The following ATRNL1 variants were observed in gnomAD, a reference collection of about 807,000 sequenced individuals.
The protein encoded by ATRNL1 is attractin like 1.
A neutral mutation model predicts 182.7 loss-of-function variants in ATRNL1; 95 were observed. The observed-to-expected ratio is 0.52, with a 90% CI of 0.44 to 0.62. ATRNL1 has a LOEUF of 0.62. Ranked by LOEUF, ATRNL1 falls within the 20% of genes least tolerant of loss-of-function variation. The probability of loss-of-function intolerance (pLI) is 0.00; values close to 1 mark genes in which losing one functional copy is unlikely to be tolerated. For synonymous variants in ATRNL1, 576 were observed against 568.3 expected, an observed-to-expected ratio of 1.01 and a Z score of -0.19; for missense variants, 1,471 against 1,679.5, an observed-to-expected ratio of 0.88 and a Z score of 2.17.
chr10:115,660,340 A>C (rs1860604774), intron 26 of ATRNL1, among the ~76,000 whole-genome samples: 1 of 152,150 alleles, frequency 6.6e-6, no homozygotes, highest in Non-Finnish European at 1.5e-5. Flanking sequence ...CGAAATAGAG[A>C]AGGTGAACTG....
intron 28 of ATRNL1, among the ~76,000 whole-genome samples, chr10:115,940,345 T>G (rs1432335968): frequency 2.0e-5 from 3 of 152,216 alleles, no homozygotes; most frequent in Non-Finnish European, 2.9e-5. Context: ...GATTACAGTT[T>G]AACTTCATGG....
chr10:115,104,678 C>A (rs1230641158), intron 1 of ATRNL1, among the ~76,000 whole-genome samples: 1 of 152,050 alleles, frequency 6.6e-6, no homozygotes, highest in African/African-American at 2.4e-5. Flanking sequence ...AGTTTGAGGT[C>A]TTAGATTTCT....
At chr10:115,931,850 T>A (rs1439692722) in intron 28 of ATRNL1, among the ~76,000 whole-genome samples, 4 of 152,128 alleles carry the variant, frequency 2.6e-5, no homozygotes, top group African/African-American at 9.7e-5. Flanking sequence ...CGTCAAATGA[T>A]CTAGGAAACA....
chr10:115,894,529 G>A lies in ATRNL1; in HGVS notation c.4018+46538G>A, dbSNP rs147575248. Among the ~76,000 whole-genome samples the A allele has an allele frequency of 4.5e-3, 689 of 152,244 alleles. 9 individuals carry two copies. The highest frequency in any genetic ancestry group is 0.016 in the African/African-American group (661 of 41,558). On this transcript the variant is annotated intron_variant, in intron 28 of 28. Transcript: ENST00000355044. ...ATTGCTGGAGTTATAAATGTGCTGGGAACCACCTAAAAATCCCAAGGAATA... is the reference window on the plus strand; with the variant it reads ...ATTGCTGGAGTTATAAATGTGCTGGAAACCACCTAAAAATCCCAAGGAATA...
At chr10:115,741,634 G>C (rs1214716957) in intron 27 of ATRNL1, among the ~76,000 whole-genome samples, 3 of 152,150 alleles carry the variant, frequency 2.0e-5, no homozygotes, top group African/African-American at 7.2e-5. Context: ...AATAATTGAG[G>C]TAGAGAAACA....
At chr10:115,148,597 G>T (rs1264640716) in intron 5 of ATRNL1, among the ~76,000 whole-genome samples, 1 of 152,132 alleles carries the variant, frequency 6.6e-6, no homozygotes, top group African/African-American at 2.4e-5. Flanking sequence ...AAGGTTTGTT[G>T]TCTCGCACTA....
chr10:115,892,366 A>G (rs1233577069), intron 28 of ATRNL1, among the ~76,000 whole-genome samples: 1 of 152,184 alleles, frequency 6.6e-6, no homozygotes, highest in East Asian at 1.9e-4. Context: ...ATATAAAAAC[A>G]ATCTTCAGTT....
chr10:115,570,545 T>G (rs1455824021), intron 26 of ATRNL1, among the ~76,000 whole-genome samples: 1 of 152,198 alleles, frequency 6.6e-6, no homozygotes, highest in Non-Finnish European at 1.5e-5. Flanking sequence ...TACCCAGTTA[T>G]GGCTTCATTT....
chr10:115,465,228 T>C (rs1847997249), intron 22 of ATRNL1, among the ~76,000 whole-genome samples: 2 of 151,742 alleles, frequency 1.3e-5, no homozygotes, highest in African/African-American at 2.4e-5. Context: ...GAAACTGTTA[T>C]TGGATTCAAG....
intron 27 of ATRNL1, among the ~76,000 whole-genome samples, chr10:115,834,026 CACTTCACTGCTAT>C (rs11273558): frequency 0.045 from 6,915 of 152,192 alleles, 547 homozygotes; most frequent in African/African-American, 0.15. Context: ...ACTGCCGGAG[CACTTCACTGCTAT>C]ACCTCAATGG....
intron 24 of ATRNL1, among the ~76,000 whole-genome samples, chr10:115,509,646 C>T (rs1215871891): frequency 6.6e-6 from 1 of 151,940 alleles, no homozygotes; most frequent in African/African-American, 2.4e-5. Context: ...TCCTGTACAA[C>T]CTGTGGGTCT....
chr10:115,778,631 A>T (rs1473627426), intron 27 of ATRNL1, among the ~76,000 whole-genome samples: 1 of 152,202 alleles, frequency 6.6e-6, no homozygotes. Context: ...AGGATGATTG[A>T]AAGGGAAATT....
At chr10:115,484,160 A>C (rs1409258369) in intron 24 of ATRNL1, among the ~76,000 whole-genome samples, 3 of 150,374 alleles carry the variant, frequency 2.0e-5, no homozygotes, top group African/African-American at 7.3e-5. Flanking sequence ...GATCTTTTTC[A>C]TATCTTTTAA....
intron 25 of ATRNL1, among the ~76,000 whole-genome samples, chr10:115,521,202 C>A (rs1850913918): frequency 1.4e-5 from 1 of 70,868 alleles, no homozygotes; most frequent in African/African-American, 7.8e-5. Context: ...GTCACCCAGG[C>A]TGGAGCAGTG....
At chr10:115,859,080 A>C (rs1240597483) in intron 28 of ATRNL1, among the ~76,000 whole-genome samples, 1 of 152,028 alleles carries the variant, frequency 6.6e-6, no homozygotes, top group Admixed American at 6.6e-5. Flanking sequence ...ATTTCTTCTT[A>C]TAAGGGCACT....
chr10:115,669,573 A>T (rs1303188827), intron 26 of ATRNL1, among the ~76,000 whole-genome samples: 1 of 152,088 alleles, frequency 6.6e-6, no homozygotes, highest in Non-Finnish European at 1.5e-5. Flanking sequence ...CTTTCTTGTG[A>T]ACTACAGTGA....
At chr10:115,252,406 A>C (rs1592325994) in intron 10 of ATRNL1, among the ~76,000 whole-genome samples, 1 of 152,268 alleles carries the variant, frequency 6.6e-6, no homozygotes, top group East Asian at 1.9e-4. Flanking sequence ...AGTTATGTTG[A>C]TACCCAACCC....
intron 24 of ATRNL1, among the ~76,000 whole-genome samples, chr10:115,504,438 A>T (rs1007167688): frequency 7.2e-5 from 11 of 152,094 alleles, no homozygotes; most frequent in Admixed American, 2.6e-4. Context: ...CCACAGAATT[A>T]GAAGTTATGG....
At chr10:115,934,166 T>C (rs1342989724) in intron 28 of ATRNL1, among the ~76,000 whole-genome samples, 1 of 152,112 alleles carries the variant, frequency 6.6e-6, no homozygotes, top group Non-Finnish European at 1.5e-5. Flanking sequence ...AATAATGCCA[T>C]AGACCAGAGC....
Sources: gnomAD v4.1 joint callset for allele counts (sites outside exome capture counted in the v4.1 genomes callset) on GRCh38, gnomAD v4.1.1 for gene constraint, MANE v1.5 for transcripts, NCBI Gene and HGNC (gene_info 2026-07-23, HGNC 2026-07-21) for gene names.